The following RGS7 variants were observed in gnomAD, a reference collection of about 807,000 sequenced individuals.
RGS7 encodes regulator of G protein signaling 7.
A neutral mutation model predicts 81.1 loss-of-function variants in RGS7; 27 were observed. The observed-to-expected ratio is 0.33, with a 90% CI of 0.25 to 0.46. The LOEUF (loss-of-function observed/expected upper bound fraction) is 0.46, where lower values mean the gene tolerates loss of function less well. RGS7 is among the 20% of genes least tolerant of loss of function. RGS7 has a pLI of 1.00. For synonymous variants in RGS7, 208 were observed against 207.7 expected, an observed-to-expected ratio of 1.00 and a Z score of -0.01; for missense variants, 396 against 607.4, an observed-to-expected ratio of 0.65 and a Z score of 3.66.
chr1:241,195,250 C>T (rs543711240), intron 2 of RGS7, among the ~76,000 whole-genome samples: 7 of 152,204 alleles, frequency 4.6e-5, no homozygotes, highest in Non-Finnish European at 8.8e-5. Flanking sequence ...CTCAGGTGGG[C>T]GGATCACCTG....
intron 3 of RGS7, among the ~76,000 whole-genome samples, chr1:241,023,399 G>C (rs2059634590): frequency 1.3e-5 from 2 of 152,204 alleles, no homozygotes; most frequent in East Asian, 3.9e-4. Flanking sequence ...TCAAGGACCT[G>C]AGAACCATTC....
intron 2 of RGS7, among the ~76,000 whole-genome samples, chr1:241,142,449 G>A (rs1437485145): frequency 1.3e-5 from 2 of 152,172 alleles, no homozygotes; most frequent in Non-Finnish European, 2.9e-5. Context: ...TCCACGCAGA[G>A]TTTCCCAAAC....
chr1:241,129,252 G>C (rs1445694265), intron 2 of RGS7, among the ~76,000 whole-genome samples: 6 of 137,158 alleles, frequency 4.4e-5, no homozygotes, highest in Non-Finnish European at 7.9e-5. Context: ...TTGGCTACTA[G>C]AAACAAACAA....
chr1:240,784,821 C>G (rs1336862904), intron 18 of RGS7, among the ~76,000 whole-genome samples: 1 of 151,878 alleles, frequency 6.6e-6, no homozygotes, highest in Non-Finnish European at 1.5e-5. Flanking sequence ...TATGGAGAGG[C>G]ACTGGGGATA....
intron 6 of RGS7, among the ~76,000 whole-genome samples, chr1:240,929,342 G>A (rs752254464): frequency 7.2e-5 from 11 of 152,264 alleles, no homozygotes; most frequent in Non-Finnish European, 1.5e-4. Flanking sequence ...ATCAGTAGTC[G>A]TTTTGTAAAA....
intron 2 of RGS7, among the ~76,000 whole-genome samples, chr1:241,283,713 A>G (rs768879652): frequency 3.3e-5 from 5 of 152,108 alleles, no homozygotes; most frequent in Non-Finnish European, 7.4e-5. Context: ...GTGTTTTTCT[A>G]TCCAACCTCT....
At chr1:241,319,819 G>A (rs146602534) in intron 2 of RGS7, among the ~76,000 whole-genome samples, 3 of 152,238 alleles carry the variant, frequency 2.0e-5, no homozygotes, top group East Asian at 1.9e-4. Flanking sequence ...AAGGCCGGGC[G>A]CAGTGGCTCT....
At chr1:240,949,792 G>A (rs1462224808) in intron 4 of RGS7, among the ~76,000 whole-genome samples, 3 of 135,274 alleles carry the variant, frequency 2.2e-5, no homozygotes, top group African/African-American at 8.3e-5. Flanking sequence ...AGGTTGCAGT[G>A]AGCCAAGATA....
chr1:240,880,386 C>A (rs140950382), intron 6 of RGS7, among the ~76,000 whole-genome samples: 1 of 152,328 alleles, frequency 6.6e-6, no homozygotes, highest in Non-Finnish European at 1.5e-5. Flanking sequence ...TTTGCTTGCT[C>A]ATTTATAAGT....
rs959139302 is a variant in RGS7 at position 241,355,850 on chromosome 1, A to C, written c.-50-24T>G. ...CCCTGCAAAGGGTCAGAGAGACTTC[A>C]GTGAGATCCCAGTGGGACTCCCCTG... On this transcript the variant is annotated intron_variant, in intron 1 of 18. Transcript: ENST00000440928. 2.5e-5 allele frequency: 32 copies of C among 1,259,406 alleles called. No individual in the cohort carries two copies. In the East Asian group the frequency reaches 3.9e-4, roughly 16 times the overall value. 78.0% of individuals were successfully genotyped at this position (1,259,406 alleles called of 1,614,324 possible).
chr1:240,871,172 A>C (rs559272202), intron 6 of RGS7, among the ~76,000 whole-genome samples: 1 of 152,316 alleles, frequency 6.6e-6, no homozygotes, highest in East Asian at 1.9e-4. Flanking sequence ...TTTTCACTAA[A>C]TATGCATGAT....
intron 2 of RGS7, among the ~76,000 whole-genome samples, chr1:241,147,086 G>A (rs2068365508): frequency 6.6e-6 from 1 of 152,108 alleles, no homozygotes; most frequent in Admixed American, 6.5e-5. Flanking sequence ...CACACTTGAA[G>A]CATCCCTGGT....
At chr1:241,288,620 G>A (rs941507981) in intron 2 of RGS7, among the ~76,000 whole-genome samples, 1 of 152,146 alleles carries the variant, frequency 6.6e-6, no homozygotes, top group Non-Finnish European at 1.5e-5. Flanking sequence ...TTGCTGCAGA[G>A]CCCACGGTTA....
chr1:241,043,001 A>G (rs10926406), intron 3 of RGS7, among the ~76,000 whole-genome samples: 10,651 of 150,994 alleles, frequency 0.071, 573 homozygotes, highest in African/African-American at 0.14. Flanking sequence ...TAGTGTAATT[A>G]TTATTACTTT....
At chr1:241,068,585 G>A (rs191597226) in intron 3 of RGS7, among the ~76,000 whole-genome samples, 1 of 152,138 alleles carries the variant, frequency 6.6e-6, no homozygotes, top group Non-Finnish European at 1.5e-5. Context: ...TATGAGTGGA[G>A]GAGCTGAGCT....
chr1:241,054,802 T>A (rs1319890445), intron 3 of RGS7, among the ~76,000 whole-genome samples: 1 of 152,190 alleles, frequency 6.6e-6, no homozygotes, highest in Non-Finnish European at 1.5e-5. Flanking sequence ...CTTTCCACTG[T>A]TTCCACCTTT....
At chr1:240,953,825 TA>T (rs1679933821) in intron 4 of RGS7, among the ~76,000 whole-genome samples, 1 of 151,962 alleles carries the variant, frequency 6.6e-6, no homozygotes, top group Non-Finnish European at 1.5e-5. Flanking sequence ...CTGGTTCTTG[TA>T]AAAGGTCAAC....
In RGS7 at chr1:241,045,072, T is replaced by C. The variant is rs151047119; in HGVS notation, c.175+53594A>G. ...TTCTCTTCAGTTTCTTTCCTTAATA[T>C]GGCTAGCTGCCCTTAAAGTGAATTC... On this transcript the variant is annotated intron_variant, in intron 3 of 18. Transcript: ENST00000440928. Among the ~76,000 whole-genome samples, 361 of 152,314 alleles carry C rather than the reference T, an allele frequency of 2.4e-3. 2 individuals are homozygous for C. The highest frequency in any genetic ancestry group is 8.2e-3 in the African/African-American group (342 of 41,562).
At chr1:241,311,792 A>G (rs1383999915) in intron 2 of RGS7, among the ~76,000 whole-genome samples, 1 of 152,242 alleles carries the variant, frequency 6.6e-6, no homozygotes, top group African/African-American at 2.4e-5. Context: ...GCATTATAGC[A>G]GAACTGACTG....
Sources: allele counts gnomAD v4.1 joint callset (sites outside exome capture counted in the v4.1 genomes callset), GRCh38; gene constraint gnomAD v4.1.1; transcripts MANE v1.5; gene names NCBI Gene and HGNC (gene_info 2026-07-23, HGNC 2026-07-21).